Variants in IKZF1 observed in about 807,000 individuals in gnomAD.
IKZF1 encodes the protein DNA-binding protein Ikaros.
Under a neutral mutation model 51.7 loss-of-function variants are expected in IKZF1, and 10 were observed. The ratio of observed to expected loss-of-function variants is 0.19; its 90% CI spans 0.12 to 0.33. The LOEUF is 0.33. Ranked by LOEUF, IKZF1 falls within the 10% of genes least tolerant of loss-of-function variation. The pLI is 1.00. For missense variants in IKZF1, 484 were observed against 707.5 expected (o/e 0.68, Z 3.58); for synonymous variants, 280 against 282.3 (o/e 0.99, Z 0.08).
intron 3 of IKZF1, chr7:50,368,233 C>T (rs1471731158): frequency 5.7e-6 from 4 of 702,896 alleles, no homozygotes; most frequent in Non-Finnish European, 1.0e-5. Context: ...CCATAAAGTG[C>T]AAAACGAAGG....
At chr7:50,368,251 A>G (rs573829014) in intron 3 of IKZF1, 15 of 703,212 alleles carry the variant, frequency 2.1e-5, no homozygotes, top group South Asian at 8.9e-5. Flanking sequence ...AGGTCTAGGC[A>G]GTTGTGCGGT....
At chr7:50,353,128 CAGTG>C (rs72177059) in intron 3 of IKZF1, among the ~76,000 whole-genome samples, 104,237 of 151,614 alleles carry the variant, frequency 0.69, 36,439 homozygotes, top group African/African-American at 0.81. Flanking sequence ...AGGGGCTGCC[CAGTG>C]AGTGGTCTGC....
In IKZF1 at chr7:50,323,046, C is replaced by T. The variant is rs553829183; in HGVS notation, c.40+3945C>T. 8.5e-5 allele frequency among the ~76,000 whole-genome samples: 13 copies of T among 152,076 alleles called. 1 individual carries two copies. The East Asian group carries it at 2.1e-3, about 25-fold the overall frequency. On this transcript the variant is annotated intron_variant, in intron 2 of 7. Transcript: ENST00000331340. ...CCTTTAGATATATATAATCTGCTTA[C>T]GTAAAGAAGGTTTGTATATATTGCA...
At chr7:50,368,753 T>C (rs933117488) in intron 3 of IKZF1, 4 of 243,612 alleles carry the variant, frequency 1.6e-5, no homozygotes, top group African/African-American at 6.6e-5. Flanking sequence ...CTTTTGAAAA[T>C]GTATAGAGAG....
Position 50,401,167 on chromosome 7 carries a change from T to G in IKZF1, c.*540T>G. ...CCAACAACCTGTGCCCAGGCCAGCT[T>G]CGAGCTACATGCATCTAGGGCGGAG... On this transcript the variant is annotated 3_prime_UTR_variant, in exon 8 of 8. Transcript: ENST00000331340. 1 of 241,644 alleles carries G rather than the reference T, an allele frequency of 4.1e-6. No individual in the cohort carries two copies. 15.0% of individuals were successfully genotyped at this position (241,644 alleles called of 1,614,324 possible).
chr7:50,383,704 C>T (rs1181754984), intron 5 of IKZF1, among the ~76,000 whole-genome samples: 2 of 152,228 alleles, frequency 1.3e-5, no homozygotes, highest in African/African-American at 4.8e-5. Flanking sequence ...GGCCCTTCTC[C>T]AAGCAGCAGC....
At chr7:50,312,040 G>T (rs981551738) in intron 1 of IKZF1, among the ~76,000 whole-genome samples, 4 of 152,120 alleles carry the variant, frequency 2.6e-5, no homozygotes, top group Non-Finnish European at 4.4e-5. Context: ...AAAGCTGTAG[G>T]TTCTATTTTC....
intron 3 of IKZF1, chr7:50,368,584 G>A (rs867052584): frequency 1.6e-5 from 8 of 506,844 alleles, no homozygotes; most frequent in Admixed American, 3.7e-5. Flanking sequence ...TGGAGCCAAC[G>A]TACTGTTCCT....
At chr7:50,370,078 A>G (rs1808209539) in intron 3 of IKZF1, among the ~76,000 whole-genome samples, 1 of 152,112 alleles carries the variant, frequency 6.6e-6, no homozygotes, top group Admixed American at 6.6e-5. Context: ...AAATATTTCC[A>G]TTTCATTTGA....
intron 1 of IKZF1, among the ~76,000 whole-genome samples, chr7:50,305,549 C>T (rs557018302): frequency 6.6e-6 from 1 of 152,176 alleles, no homozygotes; most frequent in Non-Finnish European, 1.5e-5. Flanking sequence ...AATTTGGAGG[C>T]ATCTAATGAC....
At chr7:50,313,109 G>A (rs1790598607) in intron 1 of IKZF1, among the ~76,000 whole-genome samples, 1 of 152,178 alleles carries the variant, frequency 6.6e-6, no homozygotes, top group South Asian at 2.1e-4. Context: ...CATTGCCTTA[G>A]CTTTCTCTTG....
intron 3 of IKZF1, among the ~76,000 whole-genome samples, chr7:50,341,398 C>T (rs1317960447): frequency 1.3e-5 from 2 of 152,170 alleles, no homozygotes; most frequent in African/African-American, 4.8e-5. Context: ...CTGCCTCAGC[C>T]TCCCAAAGTG....
intron 3 of IKZF1, among the ~76,000 whole-genome samples, chr7:50,332,680 TC>T (rs1343953116): frequency 6.6e-5 from 10 of 152,192 alleles, no homozygotes; most frequent in Non-Finnish European, 1.0e-4. Context: ...GTTGGTTGAA[TC>T]CGTGGAAGGC....
rs1183167504 is a variant in IKZF1, at chr7:50,304,792, C to G, written c.-145C>G. 1.3e-5 allele frequency: 2 copies of G among 152,458 alleles called. No individual in the cohort carries two copies. The highest frequency in any genetic ancestry group is 4.8e-5 in the African/African-American group (2 of 41,424). The allele number at this position is 152,458 out of a possible 1,614,324, so 9.4% of individuals were successfully genotyped here. On this transcript the variant is annotated 5_prime_UTR_variant, in exon 1 of 8. The change creates a new upstream start codon in the 5' untranslated region. Coordinates refer to ENST00000331340, the MANE Select transcript of IKZF1 (RefSeq NM_006060.6). ...CCCCCTGGGTCCCCGCGCGGCGCAT[C>G]CCAGCCTGGGCGGGACGCTCGGCCG...
At chr7:50,340,797 T>C (rs1434470735) in intron 3 of IKZF1, among the ~76,000 whole-genome samples, 1 of 152,242 alleles carries the variant, frequency 6.6e-6, no homozygotes, top group African/African-American at 2.4e-5. Context: ...CTTAGTGTTA[T>C]GGTGCAAGTA....
chr7:50,386,576 A>G (rs764400869), intron 5 of IKZF1, among the ~76,000 whole-genome samples: 1 of 152,216 alleles, frequency 6.6e-6, no homozygotes, highest in Non-Finnish European at 1.5e-5. Context: ...TATATTTTGT[A>G]TTTTCTATGT....
chr7:50,331,586 G>A (rs1206925425), intron 3 of IKZF1, among the ~76,000 whole-genome samples: 1 of 152,200 alleles, frequency 6.6e-6, no homozygotes, highest in African/African-American at 2.4e-5. Context: ...ATCTCAACAA[G>A]GATAACAGAC....
At chr7:50,316,595 G>C (rs1791612830) in intron 1 of IKZF1, among the ~76,000 whole-genome samples, 1 of 152,232 alleles carries the variant, frequency 6.6e-6, no homozygotes, top group African/African-American at 2.4e-5. Context: ...TGCGGGGACT[G>C]TTTGCAAATG....
intron 4 of IKZF1, chr7:50,377,371 GTTA>G (rs1336616512): frequency 6.5e-6 from 1 of 153,438 alleles, no homozygotes; most frequent in Non-Finnish European, 1.4e-5. Context: ...ATTGCCACTG[GTTA>G]TCAGCTCAAA....
Sources: allele counts gnomAD v4.1 joint callset (sites outside exome capture counted in the v4.1 genomes callset), GRCh38; gene constraint gnomAD v4.1.1; transcripts MANE v1.5; gene names NCBI Gene and HGNC (gene_info 2026-07-23, HGNC 2026-07-21).